Variants in RAB23 observed in about 807,000 individuals in gnomAD.
RAB23 encodes RAB23, member RAS oncogene family.
Under a neutral mutation model 30.0 loss-of-function variants are expected in RAB23, and 15 were observed. The ratio of observed to expected loss-of-function variants is 0.50; its 90% CI spans 0.33 to 0.77. RAB23 has a LOEUF of 0.77. Among genes scored for constraint, RAB23 ranks in the 30% least tolerant of loss-of-function variants. RAB23 has a pLI of 0.02. For synonymous variants in RAB23, 93 were observed against 94.0 expected, an observed-to-expected ratio of 0.99 and a Z score of 0.06; for missense variants, 243 against 275.4, an observed-to-expected ratio of 0.88 and a Z score of 0.83.
Position 57,188,873 on chromosome 6 carries a change from T to C in RAB23, c.*1588A>G, listed in dbSNP as rs1764719708. Reference sequence around the variant, plus strand: ...TTAACAAGGACACACCCAGGAAATTTGATTTTCTCAACATTAGGAGGATGA... The same window carrying C: ...TTAACAAGGACACACCCAGGAAATTCGATTTTCTCAACATTAGGAGGATGA... On this transcript the variant is annotated 3_prime_UTR_variant, in exon 7 of 7. Transcript: ENST00000468148. 6.6e-6 allele frequency: 1 copy of C among 152,188 alleles called. No homozygotes were observed. Among genetic ancestry groups the C allele is most frequent in the Non-Finnish European group, 1.5e-5 (1 of 68,022 alleles). The allele number at this position is 152,188 out of a possible 1,614,324, so 9.4% of individuals were successfully genotyped here.
chr6:57,190,657 C>T, intron 6 of RAB23, 57 bp from the exon 7 acceptor site: 1 of 1,574,096 alleles, frequency 6.4e-7, no homozygotes, highest in Non-Finnish European at 8.7e-7. Flanking sequence ...TTACCTGTTG[C>T]ATCCAGCTTG....
chr6:57,191,621 T>C (rs1177525842), intron 6 of RAB23, among the ~76,000 whole-genome samples: 1 of 151,876 alleles, frequency 6.6e-6, no homozygotes, highest in Non-Finnish European at 1.5e-5. Flanking sequence ...GGCTAATTTT[T>C]CATATTTTAG....
At chr6:57,217,588 G>A (rs1339113080) in intron 1 of RAB23, among the ~76,000 whole-genome samples, 2 of 152,180 alleles carry the variant, frequency 1.3e-5, no homozygotes, top group East Asian at 1.9e-4. Flanking sequence ...GACTACAGGC[G>A]TGAGCCACCG....
chr6:57,216,971 C>T (rs1265903129), intron 1 of RAB23, among the ~76,000 whole-genome samples: 3 of 152,172 alleles, frequency 2.0e-5, no homozygotes, highest in Admixed American at 1.3e-4. Flanking sequence ...AGCTTCTTTA[C>T]TGCATCCTGT....
rs1159940661 is a variant in RAB23, at chr6:57,222,251, G to C, written c.-591C>G. On this transcript the variant is annotated 5_prime_UTR_variant, in exon 1 of 7. Coordinates refer to ENST00000468148, the MANE Select transcript of RAB23 (RefSeq NM_016277.5). ...CTCAGCAGCAGCTCCGCCGGGGGTGGTGGGGCGCGGGAGTCTCGACTCCCC... is the reference window on the plus strand; with the variant it reads ...CTCAGCAGCAGCTCCGCCGGGGGTGCTGGGGCGCGGGAGTCTCGACTCCCC... The C allele has an allele frequency of 6.6e-6, 1 of 152,610 alleles. No individual in the cohort carries two copies. The allele number at this position is 152,610 out of a possible 1,614,324, so 9.5% of individuals were successfully genotyped here.
chr6:57,217,379 TC>T (rs1160894346), intron 1 of RAB23, among the ~76,000 whole-genome samples: 1 of 152,182 alleles, frequency 6.6e-6, no homozygotes, highest in Non-Finnish European at 1.5e-5. Context: ...TGGCCTGATC[TC>T]GGCTCACCGC....
At chr6:57,210,708 G>T (rs926781130) in intron 1 of RAB23, among the ~76,000 whole-genome samples, 6 of 152,138 alleles carry the variant, frequency 3.9e-5, no homozygotes, top group African/African-American at 1.4e-4. Flanking sequence ...TGATGACTAG[G>T]ATCATTAGAT....
chr6:57,190,245 TA>T lies in RAB23; in HGVS notation c.*215del. ...CAAACAGGAGAAGCTTCGTCTAATG[TA>T]AAAAAAATTAAAGGAGTCCACAGGG... On this transcript the variant is annotated 3_prime_UTR_variant, in exon 7 of 7. Coordinates refer to ENST00000468148, the MANE Select transcript of RAB23 (RefSeq NM_016277.5). 7.5e-5 allele frequency: 40 copies of T among 533,038 alleles called. No homozygotes were observed. The highest frequency in any genetic ancestry group is 1.3e-4 in the East Asian group (4 of 30,662). The allele number at this position is 533,038 out of a possible 1,614,324, so 33.0% of individuals were successfully genotyped here.
intron 3 of RAB23, among the ~76,000 whole-genome samples, chr6:57,202,410 CAATT>C (rs1460185466): frequency 1.3e-5 from 2 of 152,130 alleles, no homozygotes; most frequent in African/African-American, 2.4e-5. Context: ...TGATCCAAGT[CAATT>C]AATCACATTC....
rs1765021455 is a variant in RAB23 at position 57,196,357 on chromosome 6, A to G, written c.398+93T>C. The G allele has an allele frequency of 1.2e-5, 17 of 1,461,416 alleles. No homozygotes were observed. The South Asian group carries it at 1.9e-4, about 16-fold the overall frequency. 90.5% of individuals were successfully genotyped at this position (1,461,416 alleles called of 1,614,324 possible). On this transcript the variant is annotated intron_variant, in intron 4 of 6. Transcript: ENST00000468148. Reference sequence around the variant, plus strand: ...AAAGCCTTCAAAATGAAAGTATAGAATTTTTCCTAGAACCTGTAAAACTAT... The same window carrying G: ...AAAGCCTTCAAAATGAAAGTATAGAGTTTTTCCTAGAACCTGTAAAACTAT...
intron 3 of RAB23, among the ~76,000 whole-genome samples, chr6:57,205,457 C>CA (rs1470400766): frequency 2.0e-5 from 3 of 151,970 alleles, no homozygotes; most frequent in African/African-American, 7.2e-5. Context: ...GAGACAAAGA[C>CA]AAAAAACCCT....
At chr6:57,209,614 G>A (rs1765573776) in intron 2 of RAB23, among the ~76,000 whole-genome samples, 1 of 151,904 alleles carries the variant, frequency 6.6e-6, no homozygotes, top group Non-Finnish European at 1.5e-5. Flanking sequence ...AATGTATTTG[G>A]GTAACACATT....
rs1184796792 is a variant in RAB23 at position 57,189,062 on chromosome 6, T to C, written c.*1399A>G. 2 of 152,224 alleles carry C rather than the reference T, an allele frequency of 1.3e-5. No homozygotes were observed. The highest frequency in any genetic ancestry group is 4.8e-5 in the African/African-American group (2 of 41,466). 9.4% of individuals were successfully genotyped at this position (152,224 alleles called of 1,614,324 possible). A position where few individuals can be genotyped will look rare whatever the true frequency, so the allele number is the denominator to read the frequency against. The stretch of plus-strand genomic sequence containing the variant: ...CAGGTATATTGAAAGGGGTTATTTA[T>C]AGGTTAAAAATAAAGCCATTGATGA... On this transcript the variant is annotated 3_prime_UTR_variant, in exon 7 of 7. Transcript: ENST00000468148.
intron 3 of RAB23, among the ~76,000 whole-genome samples, chr6:57,199,059 A>C (rs1765135724): frequency 6.6e-6 from 1 of 152,278 alleles, no homozygotes; most frequent in African/African-American, 2.4e-5. Flanking sequence ...ATGTTTACAT[A>C]ATCAGGGAGG....
chr6:57,203,066 G>T lies in RAB23; in HGVS notation c.241+4562C>A, dbSNP rs542572894. Among the ~76,000 whole-genome samples the T allele has an allele frequency of 1.0e-4, 15 of 144,102 alleles. No individual in the cohort carries two copies. In the East Asian group the frequency reaches 3.0e-3, roughly 29 times the overall value. The allele number at this position is 144,102 out of a possible 152,430, so 94.5% of individuals were successfully genotyped here. A position where few individuals can be genotyped will look rare whatever the true frequency, so the allele number is the denominator to read the frequency against. On this transcript the variant is annotated intron_variant, in intron 3 of 6. Coordinates refer to ENST00000468148, the MANE Select transcript of RAB23 (RefSeq NM_016277.5). The stretch of plus-strand genomic sequence containing the variant: ...CTGTCACCCAGGCTGGAGTACAGTG[G>T]CATGATCTCGGCTCACTGCAGCCTC...
intron 3 of RAB23, 49 bp from the exon 4 acceptor site, chr6:57,196,655 CAT>C (rs1406157693): frequency 4.4e-6 from 7 of 1,584,128 alleles, no homozygotes; most frequent in Admixed American, 3.6e-5. Flanking sequence ...TTTACATTAA[CAT>C]ATTACATTTA....
In RAB23 at chr6:57,196,542, A is replaced by G; in HGVS notation, c.306T>C (p.Ser102=). 7 of 1,613,986 alleles carry G rather than the reference A, an allele frequency of 4.3e-6. No individual in the cohort carries two copies. Among genetic ancestry groups the G allele is most frequent in the Non-Finnish European group, 5.9e-6 (7 of 1,179,964 alleles). Residue 102 remains serine, a synonymous_variant, in exon 4 of 7, where the codon AGT becomes AGC. Coordinates refer to ENST00000468148, the MANE Select transcript of RAB23 (RefSeq NM_016277.5). ...CTTCGGCTACTACTTTCTCTCTCCA[A>G]CTGGAAACTGCTTCAAAAGATTCCC... ...TDRESFEAVS[S]WREKVVAEVG...
chr6:57,201,084 C>CT (rs201367113), intron 3 of RAB23, among the ~76,000 whole-genome samples: 2,515 of 136,894 alleles, frequency 0.018, 123 homozygotes, highest in African/African-American at 0.057. Context: ...TTTTCTCTCT[C>CT]TCTTTTTTTT....
rs982425166 is a variant in RAB23 at position 57,203,868 on chromosome 6, G to A, written c.241+3760C>T. ...GAGAATAACCAAAGCTACTGTGGAC[G>A]GGAAGCCTTAAAGTACACAGTAAAT... On this transcript the variant is annotated intron_variant, in intron 3 of 6. Coordinates refer to ENST00000468148, the MANE Select transcript of RAB23 (RefSeq NM_016277.5). Among the ~76,000 whole-genome samples, 5 of 152,234 alleles carry A rather than the reference G, an allele frequency of 3.3e-5. No individual in the cohort carries two copies. In the South Asian group the frequency reaches 8.3e-4, roughly 25 times the overall value.
Sources: gnomAD v4.1 joint callset for allele counts (sites outside exome capture counted in the v4.1 genomes callset) on GRCh38, gnomAD v4.1.1 for gene constraint, MANE v1.5 for transcripts, NCBI Gene and HGNC (gene_info 2026-07-23, HGNC 2026-07-21) for gene names.